SLF1: variants seen among roughly 807,000 people sequenced by gnomAD.
SLF1 encodes SMC5-SMC6 complex localization factor protein 1.
A neutral mutation model predicts 123.0 loss-of-function variants in SLF1; 105 were observed. That is an observed-to-expected ratio of 0.85 (90% CI 0.73 to 1.00). The LOEUF (loss-of-function observed/expected upper bound fraction) is 1.00. Ranked by LOEUF, SLF1 falls within the 50% of genes least tolerant of loss-of-function variation. The pLI is 0.00. For synonymous variants in SLF1, 434 were observed against 406.6 expected (o/e 1.07, Z -0.81); for missense variants, 1,239 against 1,223.0 (o/e 1.01, Z -0.20).
intron 19 of SLF1, 141 bp downstream of exon 19, chr5:94,691,797 C>A: frequency 1.4e-6 from 1 of 707,422 alleles, no homozygotes; most frequent in South Asian, 2.9e-5. Context: ...TTAGCAAAGC[C>A]AAGAAATTTC....
chr5:94,695,184 A>G lies in SLF1; in HGVS notation c.3049A>G (p.Thr1017Ala), dbSNP rs752329914. 95 of 1,612,756 alleles carry G rather than the reference A, an allele frequency of 5.9e-5. No homozygotes were observed. The highest frequency in any genetic ancestry group is 8.1e-5 in the Non-Finnish European group (95 of 1,179,124). Residue 1017 changes from threonine (T) to alanine (A), a missense_variant, in exon 21 of 21, where the codon ACA becomes GCA. Transcript: ENST00000265140. The part of the protein sequence containing the change: ...LLDLYAGNIK[T>A]LQKLPHILKE... ...GGATCTTTATGCTGGAAATATAAAG[A>G]CATTGCAGAAACTCCCACACATTCT...
rs1388622497 is a variant in SLF1, at chr5:94,670,914, C to G, written c.1733C>G (p.Ser578Ter). 5 of 1,549,870 alleles carry G rather than the reference C, an allele frequency of 3.2e-6. No homozygotes were observed. Among genetic ancestry groups the G allele is most frequent in the Non-Finnish European group, 4.4e-6 (5 of 1,145,856 alleles). ...GCAATGCTTCTTGAAATTTTTTGGT[C>G]AGGAAGTGAAACCTCTGGGCTTTTG... is the stretch of plus-strand genomic sequence containing the variant. Reference protein sequence around the residue: ...GKAMLLEIFWSGSETSGLLTK... With the variant: ...GKAMLLEIFW Residue 578 changes from serine (S) to a stop codon, truncating the protein, a stop_gained, in exon 14 of 21, where the codon TCA (serine) becomes TGA (stop). Transcript: ENST00000265140. LOFTEE classifies it high-confidence loss of function.
chr5:94,667,247 G>A (rs1276048423), intron 12 of SLF1, among the ~76,000 whole-genome samples: 4 of 152,128 alleles, frequency 2.6e-5, no homozygotes, highest in Non-Finnish European at 4.4e-5. Flanking sequence ...CTTTGAAAGT[G>A]ACTGAGATGT....
intron 1 of SLF1, among the ~76,000 whole-genome samples, chr5:94,626,502 T>G (rs1333079731): frequency 6.6e-6 from 1 of 152,198 alleles, no homozygotes; most frequent in Non-Finnish European, 1.5e-5. Flanking sequence ...GTATCTGAGT[T>G]TTAGAGGGTT....
Position 94,695,187 on chromosome 5 carries a change from T to C in SLF1, c.3052T>C (p.Leu1018=). 3 of 1,612,814 alleles carry C rather than the reference T, an allele frequency of 1.9e-6. No individual in the cohort carries two copies. The highest frequency in any genetic ancestry group is 3.3e-4 in the Middle Eastern group (2 of 6,052). Residue 1018 remains leucine, a synonymous_variant, in exon 21 of 21, where the codon TTG becomes CTG. Coordinates refer to ENST00000265140, the MANE Select transcript of SLF1 (RefSeq NM_032290.4). ...TCTTTATGCTGGAAATATAAAGACA[T>C]TGCAGAAACTCCCACACATTCTTAA... ...LDLYAGNIKT[L]QKLPHILKEL...
At chr5:94,618,938 CA>C (rs1338622294) in intron 1 of SLF1, among the ~76,000 whole-genome samples, 173 bp downstream of exon 1, 1 of 152,194 alleles carries the variant, frequency 6.6e-6, no homozygotes, top group Non-Finnish European at 1.5e-5. Context: ...CAGTTCGTTC[CA>C]GCTCTCCCGA....
chr5:94,626,626 A>T (rs1238126115), intron 1 of SLF1, among the ~76,000 whole-genome samples: 3 of 152,156 alleles, frequency 2.0e-5, no homozygotes, highest in Non-Finnish European at 4.4e-5. Flanking sequence ...TTTGAAGGAG[A>T]TGATGGTTTT....
At position 94,643,285 on chromosome 5, in the gene SLF1, T is replaced by C; in HGVS notation, c.444T>C (p.Ala148=). The C allele has an allele frequency of 6.5e-7, 1 of 1,535,740 alleles. No individual in the cohort carries two copies. The highest frequency in any genetic ancestry group is 8.8e-7 in the Non-Finnish European group (1 of 1,140,974). The change falls in exon 5 of 21, where the codon GCT becomes GCC. Residue 148 remains alanine, a synonymous_variant. Transcript: ENST00000265140. The part of the protein sequence containing the change: ...RSDSLIRVLE[A]GKANVILPKS... ...CATTTTTATTTAGAGTTTTGGAGGC[T>C]GGAAAGGCAAATGTTATTTTACCAA...
At chr5:94,671,516 T>C (rs1048745614) in intron 14 of SLF1, among the ~76,000 whole-genome samples, 2 of 151,836 alleles carry the variant, frequency 1.3e-5, no homozygotes, top group African/African-American at 4.8e-5. Context: ...ATAGCGTATA[T>C]AGCAACATAA....
intron 10 of SLF1, 127 bp from the exon 11 acceptor site, chr5:94,663,623 T>TAAC: frequency 1.2e-6 from 1 of 855,704 alleles, no homozygotes; most frequent in South Asian, 2.1e-5. Context: ...CCAGCCTGGG[T>TAAC]AACAGAGTGA....
chr5:94,629,127 C>T lies in SLF1; in HGVS notation c.150C>T (p.Arg50=), dbSNP rs1282016377. 6.5e-7 allele frequency: 1 copy of T among 1,548,834 alleles called. No homozygotes were observed. Among genetic ancestry groups the T allele is most frequent in the Admixed American group, 2.0e-5 (1 of 50,584 alleles). Residue 50 remains arginine, a synonymous_variant, in exon 3 of 21, where the codon CGC becomes CGT. Transcript: ENST00000265140. The part of the protein sequence containing the change: ...YKNCTHLIAE[R]LCKSEKFLAA... The stretch of plus-strand genomic sequence containing the variant: ...ATTGTACACATCTTATAGCTGAACG[C>T]CTATGTAAGAGTGAAAAATTTTTAG...
At chr5:94,632,927 G>A (rs1745360555) in intron 4 of SLF1, among the ~76,000 whole-genome samples, 1 of 151,936 alleles carries the variant, frequency 6.6e-6, no homozygotes, top group Non-Finnish European at 1.5e-5. Context: ...CTGACCTCGT[G>A]ATCTGCCCGC....
Position 94,695,021 on chromosome 5 carries a change from G to T in SLF1, c.2886G>T (p.Met962Ile), listed in dbSNP as rs1470067886. 6.8e-6 allele frequency: 11 copies of T among 1,612,122 alleles called. No homozygotes were observed. The highest frequency in any genetic ancestry group is 1.3e-5 in the African/African-American group (1 of 74,752). ...TTGGCTCCTTTTTACTTAGTAGGATGTTGCTAAATTTTTGTTCAATTTTTG... is the reference window on the plus strand; with the variant it reads ...TTGGCTCCTTTTTACTTAGTAGGATTTTGCTAAATTTTTGTTCAATTTTTG... ...LEFGSFLLSR[M>I]LLNFCSIFDL... The change falls in exon 21 of 21, where the codon ATG becomes ATT. Residue 962 changes from methionine (M) to isoleucine (I), a missense_variant. By Grantham distance (10) the Met-to-Ile change is conservative (BLOSUM62 1). Coordinates refer to ENST00000265140, the MANE Select transcript of SLF1 (RefSeq NM_032290.4).
intron 4 of SLF1, among the ~76,000 whole-genome samples, chr5:94,631,106 G>A (rs1229952135): frequency 1.3e-5 from 2 of 152,014 alleles, no homozygotes; most frequent in Non-Finnish European, 2.9e-5. Flanking sequence ...ATGTAGTGCT[G>A]TCTTCATTAT....
chr5:94,656,974 C>T (rs928630948), intron 9 of SLF1, among the ~76,000 whole-genome samples: 34 of 149,116 alleles, frequency 2.3e-4, no homozygotes, highest in African/African-American at 7.1e-4. Context: ...TATTTTGTTT[C>T]GTTCTGCTCT....
intron 14 of SLF1, among the ~76,000 whole-genome samples, chr5:94,675,217 AC>A (rs1266785238): frequency 1.3e-5 from 2 of 152,244 alleles, no homozygotes; most frequent in Non-Finnish European, 2.9e-5. Flanking sequence ...AATTTTATAA[AC>A]TAGAAGTTAT....
At chr5:94,643,797 C>T (rs1047400927) in intron 5 of SLF1, among the ~76,000 whole-genome samples, 1 of 152,108 alleles carries the variant, frequency 6.6e-6, no homozygotes, top group African/African-American at 2.4e-5. Context: ...TATTCCCCTA[C>T]ATCCTCCTCC....
chr5:94,686,453 T>C, intron 15 of SLF1, 120 bp from the exon 16 acceptor site: 1 of 1,058,486 alleles, frequency 9.4e-7, no homozygotes, highest in Non-Finnish European at 1.3e-6. Context: ...ATCATGTGGA[T>C]GAATCTTATA....
Position 94,695,080 on chromosome 5 carries a change from G to C in SLF1, c.2945G>C (p.Gly982Ala). The change falls in exon 21 of 21, where the codon GGG becomes GCG. Residue 982 changes from glycine (G) to alanine (A), a missense_variant. By Grantham distance (60) the Gly-to-Ala change is moderately conservative. Transcript: ENST00000265140. ...LSSEFILASK[G>A]LTHLNELLMA... is the part of the protein sequence containing the mutation. ...TCAGAGTTCATTTTAGCTTCCAAAG[G>C]GTTAACTCATCTAAATGAACTGCTT... 6.2e-7 allele frequency: 1 copy of C among 1,612,422 alleles called. No individual in the cohort carries two copies. The highest frequency in any genetic ancestry group is 8.5e-7 in the Non-Finnish European group (1 of 1,179,108).
Sources: gnomAD v4.1 joint callset for allele counts (sites outside exome capture counted in the v4.1 genomes callset) on GRCh38, gnomAD v4.1.1 for gene constraint, MANE v1.5 for transcripts, NCBI Gene and HGNC (gene_info 2026-07-23, HGNC 2026-07-21) for gene names.